WWC2: variants seen among roughly 807,000 people sequenced by gnomAD.
WWC2 encodes the protein WW and C2 domain containing 2.
Under a neutral mutation model 138.5 loss-of-function variants are expected in WWC2, and 101 were observed. The observed-to-expected ratio is 0.73, with a 90% CI of 0.62 to 0.86. The LOEUF (loss-of-function observed/expected upper bound fraction) is 0.86. WWC2 is among the 40% of genes least tolerant of loss of function. WWC2 has a pLI of 0.00. For synonymous variants in WWC2, 558 were observed against 538.4 expected (o/e 1.04, Z -0.50); for missense variants, 1,420 against 1,419.4 (o/e 1.00, Z -0.01).
intron 1 of WWC2, among the ~76,000 whole-genome samples, chr4:183,138,356 G>A (rs1385771121): frequency 6.6e-6 from 1 of 151,982 alleles, no homozygotes; most frequent in Non-Finnish European, 1.5e-5. Flanking sequence ...CCTCACTTTG[G>A]TCAAACTCTT....
At chr4:183,106,328 G>A (rs1743355851) in intron 1 of WWC2, among the ~76,000 whole-genome samples, 1 of 152,092 alleles carries the variant, frequency 6.6e-6, no homozygotes, top group Non-Finnish European at 1.5e-5. Flanking sequence ...TAAGTTGTGA[G>A]ATACAAATGA....
At chr4:183,218,418 G>A (rs1185981743) in intron 4 of WWC2, among the ~76,000 whole-genome samples, 1 of 151,668 alleles carries the variant, frequency 6.6e-6, no homozygotes, top group South Asian at 2.1e-4. Flanking sequence ...CTCTGCTTTC[G>A]GTTCTTTGGG....
intron 1 of WWC2, among the ~76,000 whole-genome samples, chr4:183,157,524 G>A (rs1341640198): frequency 1.3e-5 from 2 of 152,052 alleles, no homozygotes; most frequent in Non-Finnish European, 2.9e-5. Context: ...ATTTTGAGAC[G>A]GAGTCTCGCA....
chr4:183,268,853 T>C (rs1019974781), intron 14 of WWC2, 118 bp from the exon 15 acceptor site: 18 of 1,114,250 alleles, frequency 1.6e-5, no homozygotes, highest in Non-Finnish European at 2.2e-5. Flanking sequence ...ACACTTTAGA[T>C]TGATCTTGAA....
At chr4:183,275,098 G>C (rs1737811375) in intron 16 of WWC2, among the ~76,000 whole-genome samples, 1 of 151,972 alleles carries the variant, frequency 6.6e-6, no homozygotes, top group Admixed American at 6.6e-5. Flanking sequence ...ACTCTCTCCA[G>C]CCACTGTGGA....
rs986274459 is a variant in WWC2, at chr4:183,318,015, C to G, written c.*2286C>G. ...AATAATCTTGTCATATTTGTACTAA[C>G]CCAAATGATTCACAGTGACAAAACA... is the stretch of plus-strand genomic sequence containing the variant. On this transcript the variant is annotated 3_prime_UTR_variant, in exon 23 of 23. Coordinates refer to ENST00000403733, the MANE Select transcript of WWC2 (RefSeq NM_024949.6). The G allele has an allele frequency of 6.6e-6, 1 of 152,068 alleles. No individual in the cohort carries two copies. The highest frequency in any genetic ancestry group is 1.5e-5 in the Non-Finnish European group (1 of 67,990). The allele number at this position is 152,068 out of a possible 1,614,324, so 9.4% of individuals were successfully genotyped here.
At chr4:183,281,052 T>G (rs541888042) in intron 17 of WWC2, 155 bp downstream of exon 17, 20 of 1,148,818 alleles carry the variant, frequency 1.7e-5, no homozygotes, top group Middle Eastern at 2.1e-4. Flanking sequence ...CCTTGGTCAT[T>G]AGAGAGTTAA....
intron 6 of WWC2, among the ~76,000 whole-genome samples, chr4:183,247,440 A>G (rs1018780418): frequency 1.3e-5 from 2 of 148,296 alleles, no homozygotes; most frequent in Non-Finnish European, 1.5e-5. Flanking sequence ...GTTCTTTTCT[A>G]TATTATTTGA....
intron 1 of WWC2, among the ~76,000 whole-genome samples, chr4:183,142,764 G>GT (rs1341002380): frequency 6.6e-6 from 1 of 152,232 alleles, no homozygotes; most frequent in Non-Finnish European, 1.5e-5. Flanking sequence ...GCCATGTGGC[G>GT]TATGTTCTGG....
chr4:183,160,982 A>G (rs1733947213), intron 1 of WWC2, among the ~76,000 whole-genome samples: 1 of 152,170 alleles, frequency 6.6e-6, no homozygotes, highest in Non-Finnish European at 1.5e-5. Context: ...GAGACAACAC[A>G]AAAGGTAACT....
intron 7 of WWC2, among the ~76,000 whole-genome samples, chr4:183,249,248 T>C (rs1171376783): frequency 1.3e-5 from 2 of 152,162 alleles, no homozygotes; most frequent in Non-Finnish European, 2.9e-5. Context: ...ATAAGAAAAC[T>C]TGTTTTTGTA....
intron 1 of WWC2, among the ~76,000 whole-genome samples, chr4:183,171,559 T>C (rs1734280287): frequency 6.6e-6 from 1 of 152,166 alleles, no homozygotes; most frequent in African/African-American, 2.4e-5. Context: ...GTAGGGAAAC[T>C]TTTCTGACTT....
rs999531275 is a variant in WWC2 at position 183,099,311 on chromosome 4, G to A, written c.-181G>A. On this transcript the variant is annotated 5_prime_UTR_variant, in exon 1 of 23. Transcript: ENST00000403733. Reference sequence around the variant, plus strand: ...TGGTGGACTGATCCGCAGCGGGGCCGCGAACAGCGTTTCCTGAGGCACCTC... The same window carrying A: ...TGGTGGACTGATCCGCAGCGGGGCCACGAACAGCGTTTCCTGAGGCACCTC... The A allele has an allele frequency of 4.1e-5, 19 of 460,900 alleles. No homozygotes were observed. The highest frequency in any genetic ancestry group is 2.9e-4 in the African/African-American group (14 of 47,924). 28.6% of individuals were successfully genotyped at this position (460,900 alleles called of 1,614,324 possible).
chr4:183,306,276 C>T (rs1322058979), intron 21 of WWC2, among the ~76,000 whole-genome samples: 2 of 152,126 alleles, frequency 1.3e-5, no homozygotes, highest in South Asian at 2.1e-4. Flanking sequence ...GATATTATTC[C>T]AGCTGTTTCA....
chr4:183,132,546 C>T (rs1203616570), intron 1 of WWC2, among the ~76,000 whole-genome samples: 12 of 151,814 alleles, frequency 7.9e-5, no homozygotes, highest in African/African-American at 2.4e-4. Context: ...CTCCGCCTCC[C>T]GGGTTCACGC....
At chr4:183,221,660 A>G (rs965478847) in intron 4 of WWC2, among the ~76,000 whole-genome samples, 1 of 152,206 alleles carries the variant, frequency 6.6e-6, no homozygotes, top group African/African-American at 2.4e-5. Flanking sequence ...CATTGGCCAA[A>G]GAAGAGAGCT....
At chr4:183,208,569 TTGAC>T (rs1430809382) in intron 3 of WWC2, among the ~76,000 whole-genome samples, 2 of 152,204 alleles carry the variant, frequency 1.3e-5, no homozygotes, top group Non-Finnish European at 2.9e-5. Flanking sequence ...ATCTCACAGA[TTGAC>T]TATTTGGAGC....
At chr4:183,237,639 T>A (rs1388399855) in intron 4 of WWC2, among the ~76,000 whole-genome samples, 8 of 152,170 alleles carry the variant, frequency 5.3e-5, no homozygotes, top group Admixed American at 2.0e-4. Context: ...CCTTGAAACA[T>A]AATTATTTGT....
intron 4 of WWC2, among the ~76,000 whole-genome samples, chr4:183,224,741 AG>A (rs975338342): frequency 9.2e-5 from 14 of 152,178 alleles, no homozygotes; most frequent in African/African-American, 3.4e-4. Context: ...TTGTATGTTT[AG>A]TAGAGATGAG....
Sources: allele counts gnomAD v4.1 joint callset (sites outside exome capture counted in the v4.1 genomes callset), GRCh38; gene constraint gnomAD v4.1.1; transcripts MANE v1.5; gene names NCBI Gene and HGNC (gene_info 2026-07-23, HGNC 2026-07-21).